MEGF11: variants seen among roughly 807,000 people sequenced by gnomAD.
MEGF11 encodes multiple epidermal growth factor-like domains protein 11.
Under a neutral mutation model 146.6 loss-of-function variants are expected in MEGF11, and 126 were observed. The ratio of observed to expected loss-of-function variants is 0.86; its 90% CI spans 0.74 to 1.00. The LOEUF (loss-of-function observed/expected upper bound fraction) is 1.00, where lower values mean the gene tolerates loss of function less well. MEGF11 is among the 50% of genes least tolerant of loss of function. The pLI is 0.00. For synonymous variants in MEGF11, 532 were observed against 583.4 expected, an observed-to-expected ratio of 0.91 and a Z score of 1.27; for missense variants, 1,509 against 1,521.2, an observed-to-expected ratio of 0.99 and a Z score of 0.13.
intron 1 of MEGF11, among the ~76,000 whole-genome samples, chr15:66,212,806 A>T (rs542087063): frequency 1.8e-4 from 28 of 152,256 alleles, no homozygotes; most frequent in African/African-American, 6.5e-4. Flanking sequence ...CCCCCCAGCC[A>T]TACAGGAGCA....
In MEGF11 at chr15:66,147,411, A is replaced by G. The variant is rs1436218353; in HGVS notation, c.-8-19000T>C. Among the ~76,000 whole-genome samples, 4 of 152,244 alleles carry G rather than the reference A, an allele frequency of 2.6e-5. No homozygotes were observed. In the East Asian group the frequency reaches 7.7e-4, roughly 29 times the overall value. On this transcript the variant is annotated intron_variant, in intron 1 of 25. Coordinates refer to ENST00000395614, the MANE Select transcript of MEGF11 (RefSeq NM_001385028.1). ...AAGGCCCTGCACATGTAACACGTCAAGTCATATTCTAACGGGAAAGAGAAT... is the reference window on the plus strand; with the variant it reads ...AAGGCCCTGCACATGTAACACGTCAGGTCATATTCTAACGGGAAAGAGAAT...
intron 5 of MEGF11, among the ~76,000 whole-genome samples, chr15:66,075,926 G>A (rs1039222427): frequency 2.4e-4 from 36 of 152,212 alleles, no homozygotes; most frequent in African/African-American, 7.7e-4. Context: ...TGACTCAAAG[G>A]TCACTTGCCT....
intron 5 of MEGF11, among the ~76,000 whole-genome samples, chr15:66,093,115 AG>A (rs1178615978): frequency 2.6e-5 from 4 of 152,114 alleles, no homozygotes; most frequent in African/African-American, 9.7e-5. Context: ...TGGAAGGAGG[AG>A]GCCACTGTGG....
intron 9 of MEGF11, 108 bp from the exon 10 acceptor site, chr15:65,957,829 G>A (rs925270451): frequency 7.9e-6 from 8 of 1,007,096 alleles, no homozygotes; most frequent in Non-Finnish European, 1.2e-5. Context: ...AGGATCAAAG[G>A]ACCTCTGGGA....
intron 4 of MEGF11, among the ~76,000 whole-genome samples, chr15:66,109,113 A>G (rs923894817): frequency 2.0e-5 from 3 of 152,102 alleles, no homozygotes; most frequent in Non-Finnish European, 4.4e-5. Flanking sequence ...AGAAAGCTAG[A>G]GCTTGGCCAG....
At chr15:66,166,360 T>G (rs2090097065) in intron 1 of MEGF11, among the ~76,000 whole-genome samples, 1 of 152,020 alleles carries the variant, frequency 6.6e-6, no homozygotes, top group African/African-American at 2.4e-5. Flanking sequence ...CCATCACTGC[T>G]CAGACTCTGA....
At chr15:66,008,959 C>A (rs2082614755) in intron 5 of MEGF11, among the ~76,000 whole-genome samples, 1 of 152,194 alleles carries the variant, frequency 6.6e-6, no homozygotes, top group Non-Finnish European at 1.5e-5. Flanking sequence ...ATAGCAAAAC[C>A]TAAATTTCTG....
At chr15:65,940,559 G>A (rs747951629) in intron 10 of MEGF11, among the ~76,000 whole-genome samples, 3 of 152,234 alleles carry the variant, frequency 2.0e-5, no homozygotes, top group South Asian at 2.1e-4. Flanking sequence ...AGCAAACCTC[G>A]CTGGACCTAA....
intron 24 of MEGF11, among the ~76,000 whole-genome samples, chr15:65,903,218 C>G (rs929645746): frequency 6.6e-6 from 1 of 152,152 alleles, no homozygotes; most frequent in Admixed American, 6.5e-5. Flanking sequence ...TAGATGGGAA[C>G]GAGCACACAG....
intron 4 of MEGF11, among the ~76,000 whole-genome samples, chr15:66,098,895 A>G (rs534532315): frequency 5.3e-5 from 8 of 152,294 alleles, no homozygotes; most frequent in African/African-American, 1.9e-4. Flanking sequence ...ACACTTCATC[A>G]GATGTGTACC....
intron 1 of MEGF11, among the ~76,000 whole-genome samples, chr15:66,147,441 T>C (rs899958358): frequency 2.0e-5 from 3 of 152,178 alleles, no homozygotes; most frequent in African/African-American, 7.2e-5. Context: ...GAGAATAACA[T>C]TACCAGAAAA....
chr15:66,096,656 G>T (rs1417835238), intron 4 of MEGF11, among the ~76,000 whole-genome samples: 1 of 152,216 alleles, frequency 6.6e-6, no homozygotes, highest in Non-Finnish European at 1.5e-5. Flanking sequence ...CAGAGACAGA[G>T]GGTGGAGGAG....
chr15:65,920,436 C>A (rs1487407590), intron 15 of MEGF11, among the ~76,000 whole-genome samples: 1 of 152,206 alleles, frequency 6.6e-6, no homozygotes, highest in Non-Finnish European at 1.5e-5. Flanking sequence ...TCCTGGCCCT[C>A]TGTGGGGAGT....
chr15:65,998,837 C>G (rs12900854), intron 5 of MEGF11, among the ~76,000 whole-genome samples: 8,892 of 152,172 alleles, frequency 0.058, 306 homozygotes, highest in African/African-American at 0.063. Context: ...TCAGGCGTGG[C>G]CCACAGCAGC....
rs753168722 is a variant in MEGF11 at position 66,214,827 on chromosome 15, C to T, written c.-9+38778G>A. ...CCCTTCCTCCTGCACTAACACTGCA[C>T]TCAAGGCCCAGCTCAGAGCTGGAGA... On this transcript the variant is annotated intron_variant, in intron 1 of 25. Transcript: ENST00000395614. Among the ~76,000 whole-genome samples the T allele has an allele frequency of 2.0e-5, 3 of 152,098 alleles. No homozygotes were observed. In the East Asian group the frequency reaches 5.8e-4, roughly 29 times the overall value.
At position 66,207,688 on chromosome 15, in the gene MEGF11, T is replaced by C. The variant is rs114068171; in HGVS notation, c.-9+45917A>G. On this transcript the variant is annotated intron_variant, in intron 1 of 25. Transcript: ENST00000395614. ...AACCTATTTTTGTTGTAACTTTTTT[T>C]ACCTATATGATCTAAAAGACAATGC... Among the ~76,000 whole-genome samples, 1,188 of 152,386 alleles carry C rather than the reference T, an allele frequency of 7.8e-3. 22 individuals are homozygous for C. The highest frequency in any genetic ancestry group is 0.027 in the African/African-American group (1,123 of 41,588).
intron 10 of MEGF11, among the ~76,000 whole-genome samples, chr15:65,931,690 A>G (rs779763130): frequency 6.6e-5 from 10 of 152,190 alleles, no homozygotes; most frequent in African/African-American, 2.4e-4. Context: ...ATTGTCTCCC[A>G]ATCTTATTTC....
At chr15:66,050,785 G>A (rs1279270477) in intron 5 of MEGF11, among the ~76,000 whole-genome samples, 2 of 152,196 alleles carry the variant, frequency 1.3e-5, no homozygotes, top group African/African-American at 4.8e-5. Context: ...CCCAGCCAGG[G>A]CCCACCCTGA....
At chr15:66,143,178 T>C (rs968156118) in intron 1 of MEGF11, among the ~76,000 whole-genome samples, 5 of 152,190 alleles carry the variant, frequency 3.3e-5, no homozygotes, top group Non-Finnish European at 5.9e-5. Context: ...AGTTCCTGCA[T>C]TTGCGAGAGG....
Sources: allele counts gnomAD v4.1 joint callset (sites outside exome capture counted in the v4.1 genomes callset), GRCh38; gene constraint gnomAD v4.1.1; transcripts MANE v1.5; gene names NCBI Gene and HGNC (gene_info 2026-07-23, HGNC 2026-07-21).